Variants in TRIQK observed in about 807,000 individuals in gnomAD.
TRIQK encodes the protein triple QxxK/R motif-containing protein.
A neutral mutation model predicts 10.8 loss-of-function variants in TRIQK; 10 were observed. The observed-to-expected ratio is 0.92, with a 90% confidence interval of 0.57 to 1.57. The LOEUF (loss-of-function observed/expected upper bound fraction) is 1.57. Ranked by LOEUF, TRIQK falls within the 40% of genes most tolerant of loss-of-function variation. The pLI, the probability that TRIQK is intolerant of heterozygous loss-of-function variation, is 0.00. For missense variants in TRIQK, 107 were observed against 97.7 expected (o/e 1.09, Z -0.40); for synonymous variants, 33 against 33.7 (o/e 0.98, Z 0.07).
intron 1 of TRIQK, among the ~76,000 whole-genome samples, chr8:93,008,537 G>A (rs1813296884): frequency 6.6e-6 from 1 of 152,136 alleles, no homozygotes; most frequent in South Asian, 2.1e-4. Context: ...AGAATCCAAA[G>A]CAATCTTCAA....
At chr8:92,950,304 T>G (rs191228275) in intron 2 of TRIQK, among the ~76,000 whole-genome samples, 2 of 152,248 alleles carry the variant, frequency 1.3e-5, no homozygotes, top group African/African-American at 4.8e-5. Flanking sequence ...GGGATTTTTA[T>G]CAGATATTTA....
At chr8:92,901,874 G>C (rs1808958792) in intron 3 of TRIQK, among the ~76,000 whole-genome samples, 1 of 151,930 alleles carries the variant, frequency 6.6e-6, no homozygotes, top group African/African-American at 2.4e-5. Context: ...TCAGGTTCTG[G>C]GCTTTTCCTT....
At chr8:92,985,502 T>G (rs950110778) in intron 1 of TRIQK, among the ~76,000 whole-genome samples, 5 of 152,136 alleles carry the variant, frequency 3.3e-5, no homozygotes, top group African/African-American at 1.2e-4. Context: ...AATTGGGGGA[T>G]AGCTTAGTGT....
Position 92,951,040 on chromosome 8 carries a change from T to C in TRIQK, c.-22+3366A>G, listed in dbSNP as rs575793784. ...TTCTTTAAATCATCTTTAGATTATG[T>C]ATAATATTTAATACACTGTAAAAGC... On this transcript the variant is annotated intron_variant, in intron 2 of 4. Transcript: ENST00000521988. Among the ~76,000 whole-genome samples, 206 of 152,230 alleles carry C rather than the reference T, an allele frequency of 1.4e-3. 3 individuals carry two copies. Among genetic ancestry groups the C allele is most frequent in the South Asian group, 5.4e-3 (26 of 4,830 alleles).
At chr8:92,919,053 G>A (rs184175208) in intron 2 of TRIQK, among the ~76,000 whole-genome samples, 12 of 151,686 alleles carry the variant, frequency 7.9e-5, no homozygotes, top group South Asian at 2.1e-4. Context: ...ATTTAGTTCC[G>A]GGTTCTCTGT....
intron 1 of TRIQK, chr8:92,964,816 TC>T: frequency 6.6e-6 from 1 of 152,206 alleles, no homozygotes; most frequent in Non-Finnish European, 1.5e-5. Context: ...TCCTAGAGTC[TC>T]CAATTTACAG....
intron 2 of TRIQK, among the ~76,000 whole-genome samples, chr8:92,933,437 A>G (rs1810831351): frequency 6.6e-6 from 1 of 152,128 alleles, no homozygotes; most frequent in Admixed American, 6.6e-5. Context: ...CAAATATTAA[A>G]TACCCCATAG....
chr8:92,970,733 T>C (rs914895061), upstream of TRIQK, among the ~76,000 whole-genome samples: 1 of 152,192 alleles, frequency 6.6e-6, no homozygotes, highest in African/African-American at 2.4e-5. Flanking sequence ...AAAAATTGTC[T>C]CCCATTCTGT....
rs554019419 is a variant in TRIQK at position 92,939,108 on chromosome 8, A to T, written c.-22+15298T>A. Among the ~76,000 whole-genome samples, 249 of 152,302 alleles carry T rather than the reference A, an allele frequency of 1.6e-3. 2 individuals carry two copies. Among genetic ancestry groups the T allele is most frequent in the African/African-American group, 5.6e-3 (233 of 41,564 alleles). ...AATGTTATTTTACTCTTTTAAAACAATTGGGGCTTTTTGTTGAGAGGAGAA... is the reference window on the plus strand; with the variant it reads ...AATGTTATTTTACTCTTTTAAAACATTTGGGGCTTTTTGTTGAGAGGAGAA... On this transcript the variant is annotated intron_variant, in intron 2 of 4. Transcript: ENST00000521988.
intron 2 of TRIQK, among the ~76,000 whole-genome samples, chr8:92,936,842 T>A (rs1811012079): frequency 6.6e-6 from 1 of 151,770 alleles, no homozygotes; most frequent in Admixed American, 6.6e-5. Flanking sequence ...AATTCTAATT[T>A]AGTATAGCAA....
At chr8:92,927,107 CA>C (rs981262117) in intron 2 of TRIQK, among the ~76,000 whole-genome samples, 16 of 150,546 alleles carry the variant, frequency 1.1e-4, no homozygotes, top group South Asian at 4.3e-4. Flanking sequence ...ACCAAGAGAC[CA>C]AAAAAAATTG....
At chr8:92,973,530 C>G (rs1042922589) in intron 1 of TRIQK, 1 of 152,100 alleles carries the variant, frequency 6.6e-6, no homozygotes, top group Non-Finnish European at 1.5e-5. Flanking sequence ...GGGCCACACA[C>G]TTTCATTTTG....
At chr8:92,982,942 G>A (rs1813000726) in intron 1 of TRIQK, among the ~76,000 whole-genome samples, 1 of 151,878 alleles carries the variant, frequency 6.6e-6, no homozygotes, top group Admixed American at 6.6e-5. Context: ...CAATCTATAA[G>A]TGACACATTG....
intron 1 of TRIQK, among the ~76,000 whole-genome samples, chr8:93,006,819 A>G (rs1373858434): frequency 6.6e-6 from 1 of 151,866 alleles, no homozygotes; most frequent in Non-Finnish European, 1.5e-5. Flanking sequence ...AATCTCAGCA[A>G]CTCCAGCCAG....
intron 2 of TRIQK, among the ~76,000 whole-genome samples, chr8:92,942,944 C>G (rs1247051201): frequency 6.6e-6 from 1 of 152,056 alleles, no homozygotes; most frequent in African/African-American, 2.4e-5. Flanking sequence ...CTGCCTGCCT[C>G]AGCCTTCCAA....
At chr8:92,933,792 T>C (rs980648649) in intron 2 of TRIQK, among the ~76,000 whole-genome samples, 5 of 152,094 alleles carry the variant, frequency 3.3e-5, no homozygotes, top group African/African-American at 4.8e-5. Flanking sequence ...TGTATATTGA[T>C]TCATCACTTA....
At chr8:93,006,300 C>T (rs546866465) in intron 1 of TRIQK, among the ~76,000 whole-genome samples, 1 of 152,278 alleles carries the variant, frequency 6.6e-6, no homozygotes, top group African/African-American at 2.4e-5. Context: ...GTTGGCATGA[C>T]TCAGAGAGTG....
chr8:92,890,070 T>C (rs1311790230), intron 4 of TRIQK, among the ~76,000 whole-genome samples: 1 of 151,784 alleles, frequency 6.6e-6, no homozygotes, highest in Non-Finnish European at 1.5e-5. Context: ...TCTGACATTA[T>C]CAATATGGAT....
At chr8:92,889,870 C>T (rs1196304676) in intron 4 of TRIQK, among the ~76,000 whole-genome samples, 1 of 151,664 alleles carries the variant, frequency 6.6e-6, no homozygotes, top group Admixed American at 6.6e-5. Context: ...GTGCTATTCT[C>T]ATTGCTGTTA....
Sources: gnomAD v4.1 joint callset for allele counts (sites outside exome capture counted in the v4.1 genomes callset) on GRCh38, gnomAD v4.1.1 for gene constraint, MANE v1.5 for transcripts, NCBI Gene and HGNC (gene_info 2026-07-23, HGNC 2026-07-21) for gene names.